Variants in MNAT1 observed in about 807,000 individuals in gnomAD.
MNAT1 encodes CDK-activating kinase assembly factor MAT1.
MNAT1 carries 43 observed loss-of-function variants against 42.0 expected under a neutral mutation model. The observed-to-expected ratio is 1.02, with a 90% CI of 0.80 to 1.32. MNAT1 has a LOEUF of 1.32. Among genes scored for constraint, MNAT1 ranks in the 40% most tolerant of loss-of-function variants. The probability of loss-of-function intolerance (pLI) is 0.00; values close to 1 mark genes in which losing one functional copy is unlikely to be tolerated. For synonymous variants in MNAT1, 118 were observed against 120.0 expected (o/e 0.98, Z 0.11); for missense variants, 306 against 350.4 (o/e 0.87, Z 1.01).
At chr14:60,909,802 T>C (rs1472340104) in intron 7 of MNAT1, among the ~76,000 whole-genome samples, 5 of 152,168 alleles carry the variant, frequency 3.3e-5, no homozygotes, top group Admixed American at 1.3e-4. Flanking sequence ...GACTTGGCGA[T>C]GCGGGCTCTT....
chr14:60,848,062 T>G (rs1000202332), intron 6 of MNAT1, among the ~76,000 whole-genome samples: 3 of 152,222 alleles, frequency 2.0e-5, no homozygotes, highest in Admixed American at 2.0e-4. Flanking sequence ...GAGTTACTGC[T>G]TGGTATCATT....
At position 60,808,341 on chromosome 14, in the gene MNAT1, C is replaced by T. The variant is rs764241794; in HGVS notation, c.333C>T (p.Asn111=). 89 of 1,573,248 alleles carry T rather than the reference C, an allele frequency of 5.7e-5. No homozygotes were observed. Among genetic ancestry groups the T allele is most frequent in the Non-Finnish European group, 6.8e-5 (79 of 1,165,910 alleles). The change falls in exon 4 of 8, where the codon AAC becomes AAT. Residue 111 remains asparagine, a synonymous_variant. Coordinates refer to ENST00000261245, the MANE Select transcript of MNAT1 (RefSeq NM_002431.4). ...CTAATGCAGTTTTCAACTTGACCAA[C>T]AATGTGGATTTGGACAACACCAAAA... ...EVEEIVFNLT[N]NVDLDNTKKK... is the part of the protein sequence containing the mutation.
intron 7 of MNAT1, among the ~76,000 whole-genome samples, chr14:60,904,078 G>A (rs2035139618): frequency 1.3e-5 from 2 of 152,000 alleles, no homozygotes; most frequent in Non-Finnish European, 2.9e-5. Context: ...TCACCATATT[G>A]GCCAGGCTGG....
At position 60,867,463 on chromosome 14, in the gene MNAT1, T is replaced by C. The variant is rs553035350; in HGVS notation, c.688-12251T>C. ...CATATATGTATCTTTTTTACCGTTA[T>C]ATTCTGCTTATTCCCAAACATACAT... On this transcript the variant is annotated intron_variant, in intron 6 of 7. Transcript: ENST00000261245. Among the ~76,000 whole-genome samples, 14 of 152,226 alleles carry C rather than the reference T, an allele frequency of 9.2e-5. No homozygotes were observed. The South Asian group carries it at 2.7e-3, about 29-fold the overall frequency.
intron 7 of MNAT1, among the ~76,000 whole-genome samples, chr14:60,932,752 A>T (rs1478144756): frequency 6.6e-6 from 1 of 151,978 alleles, no homozygotes; most frequent in Non-Finnish European, 1.5e-5. Context: ...GTGCTCTAGG[A>T]TTTATCATTT....
At chr14:60,861,125 T>C (rs961206584) in intron 6 of MNAT1, among the ~76,000 whole-genome samples, 2 of 152,174 alleles carry the variant, frequency 1.3e-5, no homozygotes, top group Non-Finnish European at 2.9e-5. Flanking sequence ...TGCAGATTAA[T>C]ATTATGAATA....
intron 3 of MNAT1, among the ~76,000 whole-genome samples, chr14:60,800,826 G>C (rs2032180467): frequency 6.6e-6 from 1 of 152,068 alleles, no homozygotes; most frequent in Non-Finnish European, 1.5e-5. Context: ...TGATTTTTGG[G>C]AAGTAACCTC....
chr14:60,937,956 G>A (rs1298139470), intron 7 of MNAT1, among the ~76,000 whole-genome samples: 9 of 147,850 alleles, frequency 6.1e-5, no homozygotes, highest in African/African-American at 2.0e-4. Context: ...ATCCCTTGTA[G>A]GTTGGATTCC....
chr14:60,748,824 TAAG>T (rs1484154103), intron 1 of MNAT1, among the ~76,000 whole-genome samples: 2 of 152,224 alleles, frequency 1.3e-5, no homozygotes, highest in African/African-American at 4.8e-5. Flanking sequence ...AAATAACAAT[TAAG>T]AAGTCACAGT....
intron 7 of MNAT1, among the ~76,000 whole-genome samples, chr14:60,908,553 A>G (rs1452276931): frequency 6.7e-6 from 1 of 148,368 alleles, no homozygotes; most frequent in Admixed American, 6.8e-5. Context: ...ATTCCCACCT[A>G]TGAGTGAGAA....
At chr14:60,842,492 A>T (rs866721856) in intron 6 of MNAT1, among the ~76,000 whole-genome samples, 1 of 152,188 alleles carries the variant, frequency 6.6e-6, no homozygotes, top group South Asian at 2.1e-4. Context: ...CTTGGGGCTC[A>T]CAGTTCTGTA....
chr14:60,870,027 G>A (rs2034294948), intron 6 of MNAT1, among the ~76,000 whole-genome samples: 1 of 151,958 alleles, frequency 6.6e-6, no homozygotes, highest in Non-Finnish European at 1.5e-5. Flanking sequence ...AACTTTCTAA[G>A]AAAAGTTAAA....
At position 60,833,028 on chromosome 14, in the gene MNAT1, G is replaced by A. The variant is rs1294893937; in HGVS notation, c.687+14181G>A. Among the ~76,000 whole-genome samples, 3 of 152,262 alleles carry A rather than the reference G, an allele frequency of 2.0e-5. No individual in the cohort carries two copies. The East Asian group carries it at 5.8e-4, about 29-fold the overall frequency. On this transcript the variant is annotated intron_variant, in intron 6 of 7. Coordinates refer to ENST00000261245, the MANE Select transcript of MNAT1 (RefSeq NM_002431.4). ...CTTGTGACTTTTGCACATTGATTTTGTATCCTGAGACTTTGCTGAAGTTGC... is the reference window on the plus strand; with the variant it reads ...CTTGTGACTTTTGCACATTGATTTTATATCCTGAGACTTTGCTGAAGTTGC...
intron 1 of MNAT1, among the ~76,000 whole-genome samples, chr14:60,772,044 T>A (rs1280003622): frequency 6.6e-6 from 1 of 152,182 alleles, no homozygotes; most frequent in Non-Finnish European, 1.5e-5. Context: ...TGAACACTTG[T>A]TTAGATGAAT....
chr14:60,751,332 A>G (rs2030083889), intron 1 of MNAT1, among the ~76,000 whole-genome samples: 1 of 152,172 alleles, frequency 6.6e-6, no homozygotes, highest in Non-Finnish European at 1.5e-5. Context: ...AAACTACAAT[A>G]TTAAAAATCA....
intron 1 of MNAT1, among the ~76,000 whole-genome samples, chr14:60,772,399 A>T (rs944169733): frequency 6.6e-6 from 1 of 152,240 alleles, no homozygotes; most frequent in African/African-American, 2.4e-5. Flanking sequence ...AGCCTGACCA[A>T]CATGGTAAAA....
intron 6 of MNAT1, among the ~76,000 whole-genome samples, chr14:60,856,436 C>G (rs1192777260): frequency 1.3e-5 from 2 of 152,240 alleles, no homozygotes; most frequent in East Asian, 3.9e-4. Context: ...CTGAAGCTAG[C>G]AGAAGTTAAT....
intron 1 of MNAT1, among the ~76,000 whole-genome samples, chr14:60,787,104 C>T (rs1252218862): frequency 6.6e-6 from 1 of 152,132 alleles, no homozygotes; most frequent in East Asian, 1.9e-4. Flanking sequence ...CTCCTGTGGC[C>T]ATGGTGCTTT....
intron 6 of MNAT1, among the ~76,000 whole-genome samples, chr14:60,847,218 C>CA (rs2139410936): frequency 6.6e-6 from 1 of 152,110 alleles, no homozygotes; most frequent in South Asian, 2.1e-4. Context: ...TCCTGGCTAA[C>CA]ACGGTGAAAC....
Sources: gnomAD v4.1 joint callset for allele counts (sites outside exome capture counted in the v4.1 genomes callset) on GRCh38, gnomAD v4.1.1 for gene constraint, MANE v1.5 for transcripts, NCBI Gene and HGNC (gene_info 2026-07-23, HGNC 2026-07-21) for gene names.